The following TUSC3 variants were observed in gnomAD, a reference collection of about 807,000 sequenced individuals.
TUSC3 encodes dolichyl-diphosphooligosaccharide--protein glycosyltransferase subunit TUSC3.
In TUSC3, 45 loss-of-function variants were observed where a neutral mutation model predicts 44.8. The ratio of observed to expected loss-of-function variants is 1.00; its 90% CI spans 0.79 to 1.29. TUSC3 has a LOEUF of 1.29. Among genes scored for constraint, TUSC3 ranks in the 50% most tolerant of loss-of-function variants. The probability of loss-of-function intolerance (pLI) is 0.00; values close to 1 mark genes in which losing one functional copy is unlikely to be tolerated. For missense variants in TUSC3, 519 were observed against 437.9 expected, an observed-to-expected ratio of 1.19 and a Z score of -1.65; for synonymous variants, 212 against 152.9, an observed-to-expected ratio of 1.39 and a Z score of -2.85.
chr8:15,514,951 C>T (rs1039732719), intron 2 of TUSC3, among the ~76,000 whole-genome samples: 1 of 152,134 alleles, frequency 6.6e-6, no homozygotes, highest in Admixed American at 6.5e-5. Flanking sequence ...ACTGTAGGTT[C>T]AATGCCTGAC....
chr8:15,603,458 A>G (rs188568360), intron 1 of TUSC3, among the ~76,000 whole-genome samples: 96 of 151,742 alleles, frequency 6.3e-4, no homozygotes, highest in Non-Finnish European at 1.1e-3. Flanking sequence ...GTAATTGGTT[A>G]GTAAGTTTTT....
chr8:15,795,966 T>A, the TUSC3 span, among the ~76,000 whole-genome samples: 2 of 152,108 alleles, frequency 1.3e-5, no homozygotes, highest in Non-Finnish European at 2.9e-5. Context: ...TCAAGAGTGG[T>A]GAAGGACCAC....
chr8:15,653,641 G>T (rs571272753), intron 3 of TUSC3, among the ~76,000 whole-genome samples: 5 of 152,290 alleles, frequency 3.3e-5, no homozygotes, highest in Non-Finnish European at 5.9e-5. Context: ...TTAGCAACAA[G>T]AGTTTTCATT....
chr8:15,831,214 A>G, the TUSC3 span, among the ~76,000 whole-genome samples: 1 of 152,212 alleles, frequency 6.6e-6, no homozygotes, highest in Non-Finnish European at 1.5e-5. Flanking sequence ...ATCTTCCAGA[A>G]GTGAAGCCAG....
chr8:15,755,713 C>T (rs541418862), intron 9 of TUSC3, among the ~76,000 whole-genome samples: 195 of 151,040 alleles, frequency 1.3e-3, no homozygotes, highest in African/African-American at 4.5e-3. Flanking sequence ...AAGGCCATTA[C>T]TAAAGGTGAT....
At chr8:15,687,297 C>T (rs1395721265) in intron 6 of TUSC3, among the ~76,000 whole-genome samples, 5 of 151,956 alleles carry the variant, frequency 3.3e-5, no homozygotes, top group Non-Finnish European at 5.9e-5. Flanking sequence ...AATATGATAT[C>T]GGTTAGCCTC....
intron 2 of TUSC3, among the ~76,000 whole-genome samples, chr8:15,495,233 C>A (rs1441975328): frequency 1.3e-5 from 2 of 152,168 alleles, no homozygotes; most frequent in African/African-American, 4.8e-5. Context: ...CCATCCCTCT[C>A]TGGGATAAAA....
chr8:15,762,649 A>C (rs1421959049), intron 10 of TUSC3, among the ~76,000 whole-genome samples: 1 of 152,108 alleles, frequency 6.6e-6, no homozygotes, highest in Non-Finnish European at 1.5e-5. Flanking sequence ...ACAAATCCCT[A>C]GTTTTAAGTA....
the TUSC3 span, among the ~76,000 whole-genome samples, chr8:15,830,455 C>T: frequency 3.3e-5 from 5 of 152,080 alleles, no homozygotes; most frequent in Non-Finnish European, 4.4e-5. Context: ...AAGACACCTG[C>T]ACTTGTATAT....
chr8:15,788,268 T>G, the TUSC3 span, among the ~76,000 whole-genome samples: 1 of 152,150 alleles, frequency 6.6e-6, no homozygotes, highest in African/African-American at 2.4e-5. Flanking sequence ...TAAGTACTTA[T>G]TTAAGAGTTA....
At chr8:15,839,684 C>G in the TUSC3 span, among the ~76,000 whole-genome samples, 1 of 152,178 alleles carries the variant, frequency 6.6e-6, no homozygotes, top group African/African-American at 2.4e-5. Flanking sequence ...GAGATACCAT[C>G]TCACACCAGT....
chr8:15,812,338 C>T, the TUSC3 span, among the ~76,000 whole-genome samples: 1 of 152,112 alleles, frequency 6.6e-6, no homozygotes, highest in Non-Finnish European at 1.5e-5. Flanking sequence ...TACGTTCTAA[C>T]TATTTCTATG....
chr8:15,790,482 C>T, the TUSC3 span, among the ~76,000 whole-genome samples: 1 of 152,098 alleles, frequency 6.6e-6, no homozygotes, highest in Non-Finnish European at 1.5e-5. Flanking sequence ...CATGCCCGGC[C>T]TCACCATGGC....
At chr8:15,428,461 T>G (rs936557631) in intron 1 of TUSC3, among the ~76,000 whole-genome samples, 4 of 152,026 alleles carry the variant, frequency 2.6e-5, no homozygotes, top group African/African-American at 9.7e-5. Context: ...GCAGCATGAT[T>G]TATAGTCCTT....
At chr8:15,845,373 C>T in the TUSC3 span, among the ~76,000 whole-genome samples, 1 of 152,036 alleles carries the variant, frequency 6.6e-6, no homozygotes, top group Non-Finnish European at 1.5e-5. Context: ...TTCAGAAAAT[C>T]CTGAACTCCC....
intron 6 of TUSC3, among the ~76,000 whole-genome samples, chr8:15,722,101 G>T (rs745671741): frequency 6.6e-6 from 1 of 151,970 alleles, no homozygotes; most frequent in Non-Finnish European, 1.5e-5. Flanking sequence ...GCTTAGGGTT[G>T]TTTTACGTTA....
chr8:15,669,959 A>G (rs1045193989), intron 5 of TUSC3, among the ~76,000 whole-genome samples: 6 of 151,514 alleles, frequency 4.0e-5, no homozygotes, highest in Non-Finnish European at 7.4e-5. Context: ...TAATGAATAC[A>G]TAGTAAATAA....
chr8:15,615,168 A>G (rs185592521), intron 1 of TUSC3, among the ~76,000 whole-genome samples: 35 of 152,312 alleles, frequency 2.3e-4, no homozygotes, highest in Middle Eastern at 6.8e-3. Context: ...TCTCATGTTT[A>G]TTGAAGCATT....
At chr8:15,623,325 TA>T in intron 2 of TUSC3, 76 bp downstream of exon 2, 1 of 1,356,370 alleles carries the variant, frequency 7.4e-7, no homozygotes, top group Non-Finnish European at 9.8e-7. Flanking sequence ...CATTTTAAGA[TA>T]AATATATGTA....
Sources: allele counts gnomAD v4.1 joint callset (sites outside exome capture counted in the v4.1 genomes callset), GRCh38; gene constraint gnomAD v4.1.1; transcripts MANE v1.5; gene names NCBI Gene and HGNC (gene_info 2026-07-23, HGNC 2026-07-21).